CDC27: variants seen among roughly 807,000 people sequenced by gnomAD.
CDC27 encodes cell division cycle 27.
CDC27 carries 27 observed loss-of-function variants against 109.7 expected under a neutral mutation model. The observed-to-expected ratio is 0.25, with a 90% CI of 0.18 to 0.34. The LOEUF is 0.34. Ranked by LOEUF, CDC27 falls within the 10% of genes least tolerant of loss-of-function variation. CDC27 has a pLI of 1.00. For missense variants in CDC27, 579 were observed against 960.2 expected (o/e 0.60, Z 5.25); for synonymous variants, 266 against 333.9 (o/e 0.80, Z 2.22).
At chr17:47,185,708 C>G (rs2149018128) in intron 1 of CDC27, among the ~76,000 whole-genome samples, 1 of 151,974 alleles carries the variant, frequency 6.6e-6, no homozygotes, top group South Asian at 2.1e-4. Context: ...AGTCAGCTGC[C>G]CTTTTTTAAA....
At position 47,145,969 on chromosome 17, in the gene CDC27, T is replaced by C. The variant is rs572069541; in HGVS notation, c.1071-1987A>G. ...CCAGCAACACCAGCCTGAGCTCCTCTGGGAAGGAAATTGAGTTCAATCATG... is the reference window on the plus strand; with the variant it reads ...CCAGCAACACCAGCCTGAGCTCCTCCGGGAAGGAAATTGAGTTCAATCATG... On this transcript the variant is annotated intron_variant, in intron 9 of 18. Coordinates refer to ENST00000066544, the MANE Select transcript of CDC27 (RefSeq NM_001256.6). Among the ~76,000 whole-genome samples the C allele has an allele frequency of 2.0e-5, 3 of 151,922 alleles. No individual in the cohort carries two copies. The East Asian group carries it at 5.8e-4, about 29-fold the overall frequency.
At chr17:47,158,114 T>C (rs980071633) in intron 5 of CDC27, 92 bp downstream of exon 5, 2 of 467,806 alleles carry the variant, frequency 4.3e-6, no homozygotes, top group South Asian at 1.5e-4. Context: ...TTCTTGGGGG[T>C]AGATGATCTG....
At position 47,146,223 on chromosome 17, in the gene CDC27, T is replaced by C. The variant is rs532346155; in HGVS notation, c.1071-2241A>G. On this transcript the variant is annotated intron_variant, in intron 9 of 18. Transcript: ENST00000066544. ...AACTGTAATCATTAAGTATAGCACT[T>C]TCCTGGACTCTGTGAGGTGCTCTAG... Among the ~76,000 whole-genome samples the C allele has an allele frequency of 2.2e-4, 34 of 152,322 alleles. No individual in the cohort carries two copies. The East Asian group carries it at 6.4e-3, about 28-fold the overall frequency.
At chr17:47,134,348 G>A (rs201331122) in intron 14 of CDC27, among the ~76,000 whole-genome samples, 36 of 150,240 alleles carry the variant, frequency 2.4e-4, no homozygotes, top group Middle Eastern at 3.5e-3. Flanking sequence ...TCTGTCGCCC[G>A]GGCTGGAGTG....
intron 9 of CDC27, among the ~76,000 whole-genome samples, chr17:47,146,105 G>A (rs1226278706): frequency 6.6e-6 from 1 of 152,172 alleles, no homozygotes; most frequent in African/African-American, 2.4e-5. Context: ...GATGCATTGG[G>A]AGGGTGAGCC....
At chr17:47,149,309 G>A (rs919196343) in intron 9 of CDC27, among the ~76,000 whole-genome samples, 6 of 150,884 alleles carry the variant, frequency 4.0e-5, no homozygotes, top group South Asian at 2.1e-4. Flanking sequence ...TCAAGAGATC[G>A]GGACCATCCT....
Position 47,132,294 on chromosome 17 carries a change from T to G in CDC27, c.1994A>C (p.Asn665Thr). 6.2e-7 allele frequency: 1 copy of G among 1,602,002 alleles called. No individual in the cohort carries two copies. Among genetic ancestry groups the G allele is most frequent in the Non-Finnish European group, 8.5e-7 (1 of 1,172,434 alleles). Reference protein sequence around the residue: ...EMHFQKALDINPQSSVLLCHI... With the variant: ...EMHFQKALDITPQSSVLLCHI... ...GCAAAGTAAAACTGAACTTTGAGGG[T>G]TGATATCAAGCGCTTTTTGGAAATG... The change falls in exon 15 of 19, where the codon AAC becomes ACC. Residue 665 changes from asparagine (N) to threonine (T), a missense_variant. Physicochemically the swap from Asn to Thr is moderately conservative, Grantham distance 65 (BLOSUM62 0). Around this residue, in one of 9 missense-constraint regions of CDC27, gnomAD observed 227 missense variants for 363.6 expected, o/e 0.62. Transcript: ENST00000066544.
rs549396523 is a variant in CDC27, at chr17:47,161,413, G to A, written c.378-3110C>T. Reference sequence around the variant, plus strand: ...TTTGCTGAAAGTAATAGGGTGGAACGTGGCAAATCAGTGCTTGGGAGCTTT... The same window carrying A: ...TTTGCTGAAAGTAATAGGGTGGAACATGGCAAATCAGTGCTTGGGAGCTTT... On this transcript the variant is annotated intron_variant, in intron 4 of 18. Coordinates refer to ENST00000066544, the MANE Select transcript of CDC27 (RefSeq NM_001256.6). Among the ~76,000 whole-genome samples, 44 of 152,266 alleles carry A rather than the reference G, an allele frequency of 2.9e-4. No individual in the cohort carries two copies. The South Asian group carries it at 8.1e-3, about 28-fold the overall frequency.
chr17:47,127,219 C>T (rs2062170231), intron 16 of CDC27, among the ~76,000 whole-genome samples: 1 of 152,116 alleles, frequency 6.6e-6, no homozygotes, highest in Admixed American at 6.6e-5. Context: ...GCTATGATTG[C>T]ACCACTGCAC....
chr17:47,186,596 C>T (rs997787281), intron 1 of CDC27, among the ~76,000 whole-genome samples: 6 of 152,010 alleles, frequency 3.9e-5, no homozygotes, highest in Non-Finnish European at 7.4e-5. Flanking sequence ...AAATAGTTAC[C>T]ATTAAAAATA....
intron 4 of CDC27, among the ~76,000 whole-genome samples, chr17:47,167,091 G>A (rs1297920769): frequency 6.6e-6 from 1 of 152,178 alleles, no homozygotes; most frequent in Non-Finnish European, 1.5e-5. Context: ...CCCACCTCAG[G>A]TGATCCACCC....
intron 18 of CDC27, among the ~76,000 whole-genome samples, 181 bp downstream of exon 18, chr17:47,122,263 G>A (rs965308848): frequency 4.0e-5 from 6 of 151,522 alleles, no homozygotes; most frequent in African/African-American, 1.5e-4. Flanking sequence ...ATCCAGAACA[G>A]AGACTCATTA....
In CDC27 at chr17:47,137,264, C is replaced by T. The variant is rs534711882; in HGVS notation, c.1801G>A (p.Ala601Thr). The T allele has an allele frequency of 2.5e-6, 4 of 1,610,998 alleles. No individual in the cohort carries two copies. Among genetic ancestry groups the T allele is most frequent in the South Asian group, 1.1e-5 (1 of 90,860 alleles). The change falls in exon 14 of 19, where the codon GCT (alanine) becomes ACT (threonine). Residue 601 changes from alanine to threonine, a missense_variant. This residue lies in a region of CDC27 where 227 missense variants were observed against 363.6 expected (regional missense o/e 0.62). Transcript: ENST00000066544. Reference protein sequence around the residue: ...QRAIQVDPNYAYAYTLLGHEF... With the variant: ...QRAIQVDPNYTYAYTLLGHEF... ...TGCCCTAATAGAGTATAGGCATAAG[C>T]GTAATTTGGATCAACTTGGATAGCT...
At chr17:47,152,740 A>C (rs1399791541) in intron 8 of CDC27, among the ~76,000 whole-genome samples, 8 of 152,176 alleles carry the variant, frequency 5.3e-5, no homozygotes, top group Non-Finnish European at 1.2e-4. Flanking sequence ...ATCAGATATT[A>C]AAACCTTATT....
chr17:47,147,618 G>A lies in CDC27; in HGVS notation c.1071-3636C>T, dbSNP rs533651444. On this transcript the variant is annotated intron_variant, in intron 9 of 18. Transcript: ENST00000066544. ...CTGGATGAGGTGGCTCATGCCTGTCGGCCCAGCACTTTGGGAGGCCAAGCC... is the reference window on the plus strand; with the variant it reads ...CTGGATGAGGTGGCTCATGCCTGTCAGCCCAGCACTTTGGGAGGCCAAGCC... Among the ~76,000 whole-genome samples, 3 of 149,720 alleles carry A rather than the reference G, an allele frequency of 2.0e-5. No homozygotes were observed. In the South Asian group the frequency reaches 6.3e-4, roughly 32 times the overall value.
chr17:47,123,064 C>T (rs530388040), intron 17 of CDC27, among the ~76,000 whole-genome samples: 2 of 152,320 alleles, frequency 1.3e-5, no homozygotes, highest in South Asian at 4.1e-4. Flanking sequence ...CAGATGAACT[C>T]ATACCAGCTT....
chr17:47,178,176 C>T (rs929664660), intron 2 of CDC27, among the ~76,000 whole-genome samples: 10 of 152,080 alleles, frequency 6.6e-5, no homozygotes, highest in African/African-American at 2.2e-4. Context: ...TATCAGCCTA[C>T]GTTAAAACAA....
At chr17:47,156,429 C>T (rs946904968) in intron 7 of CDC27, among the ~76,000 whole-genome samples, 2 of 151,690 alleles carry the variant, frequency 1.3e-5, no homozygotes, top group Non-Finnish European at 2.9e-5. Flanking sequence ...TGAGCCACTG[C>T]GCCTGGCCAG....
intron 4 of CDC27, among the ~76,000 whole-genome samples, chr17:47,165,155 A>G (rs1431942880): frequency 6.6e-6 from 1 of 152,190 alleles, no homozygotes; most frequent in Admixed American, 6.5e-5. Context: ...ATATCAATAT[A>G]GTAGTTTGTT....
Sources: gnomAD v4.1 joint callset for allele counts (sites outside exome capture counted in the v4.1 genomes callset) on GRCh38, gnomAD v4.1.1 for gene constraint, gnomAD v4.1.1 regional missense constraint, MANE v1.5 for transcripts, NCBI Gene and HGNC (gene_info 2026-07-23, HGNC 2026-07-21) for gene names.